The following CLN6 variants were observed in gnomAD, a reference collection of about 807,000 sequenced individuals.
CLN6 encodes the protein CLN6 transmembrane ER protein.
CLN6 carries 22 observed loss-of-function variants against 33.3 expected under a neutral mutation model. The ratio of observed to expected loss-of-function variants is 0.66; its 90% CI spans 0.47 to 0.94. The LOEUF (loss-of-function observed/expected upper bound fraction) is 0.94, where lower values mean the gene tolerates loss of function less well. CLN6 is among the 40% of genes least tolerant of loss of function. The probability of loss-of-function intolerance (pLI) is 0.00; values close to 1 mark genes in which losing one functional copy is unlikely to be tolerated. For missense variants in CLN6, 387 were observed against 417.1 expected (o/e 0.93, Z 0.63); for synonymous variants, 201 against 174.6 (o/e 1.15, Z -1.19).
At position 68,211,010 on chromosome 15, in the gene CLN6, G is replaced by T. The variant is rs1232491114; in HGVS notation, c.542+253C>A. ...CTGGCCACAGCGGGCACTGAGGGCT[G>T]GGCGGGGGTGGCGATGCTGGGGGGA... is the stretch of plus-strand genomic sequence containing the variant. On this transcript the variant is annotated intron_variant, in intron 5 of 6. Transcript: ENST00000249806. This position sits in a 1 kb window ranked among gnomAD's most constrained non-coding sequence, Gnocchi z 5.9. Among the ~76,000 whole-genome samples, 2 of 152,234 alleles carry T rather than the reference G, an allele frequency of 1.3e-5. No homozygotes were observed. Among genetic ancestry groups the T allele is most frequent in the Non-Finnish European group, 2.9e-5 (2 of 68,030 alleles).
At chr15:68,216,093 A>G (rs1233259521) in intron 2 of CLN6, among the ~76,000 whole-genome samples, 1 of 152,242 alleles carries the variant, frequency 6.6e-6, no homozygotes, top group East Asian at 1.9e-4. Flanking sequence ...ACTTAGGGTT[A>G]CAGTGGTCAC....
chr15:68,221,367 GATCGCAGGC>G (rs999447313), intron 1 of CLN6, among the ~76,000 whole-genome samples: 15 of 152,188 alleles, frequency 9.9e-5, no homozygotes, highest in African/African-American at 3.4e-4. Flanking sequence ...GAGTGCCTGG[GATCGCAGGC>G]ACACGCCGCC....
intron 2 of CLN6, chr15:68,215,323 A>T (rs2093217703): frequency 6.6e-6 from 1 of 152,112 alleles, no homozygotes; most frequent in African/African-American, 2.4e-5. Flanking sequence ...CTTTACCTAC[A>T]TCATATATAT....
At position 68,207,998 on chromosome 15, in the gene CLN6, A is replaced by AC; in HGVS notation, c.*141dup. ...ATACAAGACACACACACACACACAC[A>AC]CGAATCCACGCACACGAGGCACACC... On this transcript the variant is annotated 3_prime_UTR_variant, in exon 7 of 7. Transcript: ENST00000249806. The AC allele has an allele frequency of 2.5e-6, 2 of 807,356 alleles. No homozygotes were observed. Among genetic ancestry groups the AC allele is most frequent in the Non-Finnish European group, 4.0e-6 (2 of 494,630 alleles). The allele number at this position is 807,356 out of a possible 1,614,324, so 50.0% of individuals were successfully genotyped here.
At chr15:68,257,147 C>G, upstream of CLN6, 1 of 329,438 alleles carries the variant, frequency 3.0e-6, no homozygotes, top group Non-Finnish European at 5.5e-6. Context: ...CAGCGGTGCC[C>G]AGGGGCTGGA....
In CLN6 at chr15:68,208,303, T is replaced by C. The variant is rs1287447955; in HGVS notation, c.773A>G (p.Asn258Ser). The C allele has an allele frequency of 5.6e-6, 9 of 1,614,096 alleles. No homozygotes were observed. The highest frequency in any genetic ancestry group is 1.1e-5 in the South Asian group (1 of 91,088). The change falls in exon 7 of 7, where the codon AAC (asparagine) becomes AGC (serine). Residue 258 changes from asparagine to serine, a missense_variant. Asn to Ser is a conservative substitution (Grantham distance 46). Transcript: ENST00000249806. The surrounding 1 kb of genome is among the most constrained non-coding windows in gnomAD (Gnocchi z 5.8). Reference sequence around the variant, plus strand: ...GAAGGAGGAGAAGAGGAAGAGGCCGTTGCTGTCCAGGAAGAGGCGCTTGCG... The same window carrying C: ...GAAGGAGGAGAAGAGGAAGAGGCCGCTGCTGTCCAGGAAGAGGCGCTTGCG... The part of the protein sequence containing the change: ...QKRKRLFLDS[N>S]GLFLFSSFAL...
chr15:68,255,828 C>T (rs1271848737), intron 1 of CLN6, among the ~76,000 whole-genome samples: 2 of 152,214 alleles, frequency 1.3e-5, no homozygotes, highest in Non-Finnish European at 2.9e-5. Context: ...GGGTCTCCCT[C>T]TGTCACCAAG....
At chr15:68,223,992 G>A (rs990476096) in intron 1 of CLN6, among the ~76,000 whole-genome samples, 13 of 151,944 alleles carry the variant, frequency 8.6e-5, no homozygotes, top group African/African-American at 2.9e-4. Flanking sequence ...GTTGCAGTGA[G>A]CCAGGATCAC....
Position 68,207,831 on chromosome 15 carries a change from TG to T in CLN6, c.*308del, listed in dbSNP as rs904811753. On this transcript the variant is annotated 3_prime_UTR_variant, in exon 7 of 7. Transcript: ENST00000249806. ...ACAGACTAGCCCTGAGTAGGGAGTGTGGTCAGGTGCAGAGGAGGGCAGGGGC... is the reference window on the plus strand; with the variant it reads ...ACAGACTAGCCCTGAGTAGGGAGTGTGTCAGGTGCAGAGGAGGGCAGGGGC... 5.6e-5 allele frequency: 24 copies of T among 431,566 alleles called. No homozygotes were observed. Among genetic ancestry groups the T allele is most frequent in the Non-Finnish European group, 1.0e-4 (23 of 231,138 alleles). 26.7% of individuals were successfully genotyped at this position (431,566 alleles called of 1,614,324 possible).
intron 2 of CLN6, 46 bp from the exon 3 acceptor site, chr15:68,214,434 G>A (rs201637195): frequency 8.9e-5 from 130 of 1,463,832 alleles, no homozygotes; most frequent in South Asian, 7.8e-4. Context: ...ACAGCCCCAC[G>A]CGGCCCTCGG....
At chr15:68,249,805 A>ACTCT (rs1333793446) in intron 1 of CLN6, among the ~76,000 whole-genome samples, 2 of 152,040 alleles carry the variant, frequency 1.3e-5, no homozygotes, top group African/African-American at 4.8e-5. Context: ...ACGGAGCCTC[A>ACTCT]CTCTGTTGCC....
At chr15:68,255,150 C>A (rs1433550769) in intron 1 of CLN6, among the ~76,000 whole-genome samples, 1 of 152,202 alleles carries the variant, frequency 6.6e-6, no homozygotes, top group Non-Finnish European at 1.5e-5. Flanking sequence ...TTGCCCTTGG[C>A]TCCCAGGAAG....
At chr15:68,225,992 A>G (rs1422240572) in intron 1 of CLN6, among the ~76,000 whole-genome samples, 1 of 150,876 alleles carries the variant, frequency 6.6e-6, no homozygotes, top group Non-Finnish European at 1.5e-5. Context: ...AAAATAAAAT[A>G]AACCAAGAAA....
chr15:68,214,654 T>A, intron 2 of CLN6: 1 of 437,562 alleles, frequency 2.3e-6, no homozygotes, highest in Non-Finnish European at 4.3e-6. Context: ...GGCCTGACCC[T>A]GTGCCCCTCA....
chr15:68,227,661 G>T lies in CLN6; in HGVS notation c.83+1841C>A, dbSNP rs189842014. ...ACTCCTTAGCAGCCAAAGTGGAGTC[G>T]TAAGAGCAGAGCCCGTAAGTCAGAA... On this transcript the variant is annotated intron_variant, in intron 1 of 6. Transcript: ENST00000249806. This position sits in a 1 kb window ranked among gnomAD's most constrained non-coding sequence, Gnocchi z 4.1. Among the ~76,000 whole-genome samples, 1 of 152,190 alleles carries T rather than the reference G, an allele frequency of 6.6e-6. No homozygotes were observed. The highest frequency in any genetic ancestry group is 2.4e-5 in the African/African-American group (1 of 41,444).
upstream of CLN6, among the ~76,000 whole-genome samples, chr15:68,229,895 C>T (rs1039689822): frequency 4.0e-5 from 6 of 151,500 alleles, no homozygotes; most frequent in African/African-American, 1.2e-4. Context: ...GCGTGACCAC[C>T]AGCGGGCTGG....
rs1333446169 is a variant in CLN6, at chr15:68,219,410, AG to A, written c.84-761del. Among the ~76,000 whole-genome samples, 120 of 152,304 alleles carry A rather than the reference AG, an allele frequency of 7.9e-4. No individual in the cohort carries two copies. The highest frequency in any genetic ancestry group is 2.8e-3 in the African/African-American group (117 of 41,560). On this transcript the variant is annotated intron_variant, in intron 1 of 6. Transcript: ENST00000249806. This position sits in a 1 kb window ranked among gnomAD's most constrained non-coding sequence, Gnocchi z 4.2. ...AATCCTCTTCTCAGCAGTCCACAGT[AG>A]AACCTGAGAAGGAGCCAGCAGAAGC...
chr15:68,215,713 C>A (rs2093218859), intron 2 of CLN6: 1 of 152,168 alleles, frequency 6.6e-6, no homozygotes, highest in Admixed American at 6.5e-5. Flanking sequence ...CTGCCTTGGC[C>A]TCCCAAAGTG....
At chr15:68,233,958 G>A (rs1047897095), upstream of CLN6, among the ~76,000 whole-genome samples, 5 of 152,224 alleles carry the variant, frequency 3.3e-5, no homozygotes, top group African/African-American at 9.6e-5. The surrounding 1 kb of genome is among the most constrained non-coding windows in gnomAD (Gnocchi z 4.3). Flanking sequence ...ACTGTGGGGA[G>A]AGAGAAGGTC....
Sources: gnomAD v4.1 joint callset for allele counts (sites outside exome capture counted in the v4.1 genomes callset) on GRCh38, gnomAD v4.1.1 for gene constraint, Gnocchi (gnomAD v3.1) non-coding constraint, MANE v1.5 for transcripts, NCBI Gene and HGNC (gene_info 2026-07-23, HGNC 2026-07-21) for gene names.